CFAP91: variants seen among roughly 807,000 people sequenced by gnomAD.
CFAP91 encodes cilia- and flagella-associated protein 91.
In CFAP91, 85 loss-of-function variants were observed where a neutral mutation model predicts 95.9. The observed-to-expected ratio is 0.89, with a 90% CI of 0.74 to 1.06. The LOEUF (loss-of-function observed/expected upper bound fraction) is 1.06, where lower values mean the gene tolerates loss of function less well. CFAP91 is among the 50% of genes least tolerant of loss of function. The pLI is 0.00. For missense variants in CFAP91, 962 were observed against 943.4 expected (o/e 1.02, Z -0.26); for synonymous variants, 335 against 327.5 (o/e 1.02, Z -0.25).
chr3:119,740,405 G>A, intron 12 of CFAP91, 144 bp from the exon 13 acceptor site: 1 of 867,346 alleles, frequency 1.2e-6, no homozygotes, highest in South Asian at 1.8e-5. Context: ...CTAGCTCTGT[G>A]GGACACATCT....
At chr3:119,763,906 A>G (rs191115359) in intron 17 of CFAP91, among the ~76,000 whole-genome samples, 1 of 152,220 alleles carries the variant, frequency 6.6e-6, no homozygotes, top group East Asian at 1.9e-4. Flanking sequence ...CAAGGGATGC[A>G]TTGTAAAACC....
chr3:119,754,423 A>G (rs578139062), intron 17 of CFAP91, among the ~76,000 whole-genome samples: 2 of 152,358 alleles, frequency 1.3e-5, no homozygotes, highest in East Asian at 3.9e-4. Context: ...GAAGATTTGG[A>G]AAATTCTTAG....
chr3:119,750,000 A>T (rs2054297197), intron 16 of CFAP91, among the ~76,000 whole-genome samples: 1 of 152,206 alleles, frequency 6.6e-6, no homozygotes, highest in Non-Finnish European at 1.5e-5. Flanking sequence ...CACTTAATGG[A>T]AATTAGCTCT....
In CFAP91 at chr3:119,733,403, C is replaced by T. The variant is rs1422280027; in HGVS notation, c.1241C>T (p.Thr414Ile). ...GAGTCATGTCTCCCAGATTTTGTGA[C>T]ACAACCCCAAATCAGAGCTCCAAAA... Reference protein sequence around the residue: ...ELESCLPDFVTQPQIRAPKPK... With the variant: ...ELESCLPDFVIQPQIRAPKPK... The change falls in exon 10 of 18, where the codon ACA (threonine) becomes ATA (isoleucine). Residue 414 changes from threonine to isoleucine, a missense_variant. Coordinates refer to ENST00000273390, the MANE Select transcript of CFAP91 (RefSeq NM_033364.4). The T allele has an allele frequency of 6.2e-7, 1 of 1,614,070 alleles. No individual in the cohort carries two copies. The highest frequency in any genetic ancestry group is 1.1e-5 in the South Asian group (1 of 91,070).
intron 12 of CFAP91, among the ~76,000 whole-genome samples, chr3:119,739,569 G>T (rs977656783): frequency 6.6e-6 from 1 of 151,024 alleles, no homozygotes; most frequent in Non-Finnish European, 1.5e-5. Context: ...ATTTGCCATG[G>T]TTGTAACTAA....
At chr3:119,720,405 AAAAAG>A (rs763031692) in intron 6 of CFAP91, among the ~76,000 whole-genome samples, 3,122 of 147,454 alleles carry the variant, frequency 0.021, 82 homozygotes, top group African/African-American at 0.06. Context: ...TCAAAAAAAA[AAAAAG>A]AAAAGAAAAC....
chr3:119,754,937 A>T (rs2054396970), intron 17 of CFAP91, among the ~76,000 whole-genome samples: 1 of 152,188 alleles, frequency 6.6e-6, no homozygotes, highest in East Asian at 1.9e-4. Flanking sequence ...AAGAATTAAG[A>T]TCCAGTGGAA....
chr3:119,703,794 C>T (rs923816963), intron 1 of CFAP91, among the ~76,000 whole-genome samples: 2 of 152,124 alleles, frequency 1.3e-5, no homozygotes, highest in African/African-American at 4.8e-5. Context: ...TCTCTCTCCA[C>T]GCTCCTTGAG....
rs2054631883 is a variant in CFAP91, at chr3:119,766,569, G to C, written c.*1519G>C. ...CAAGTGAGTTAGGTTGGGCTGATGG[G>C]ATAGAAGGTGGGAGGGGAATGCTAT... On this transcript the variant is annotated 3_prime_UTR_variant, in exon 18 of 18. Transcript: ENST00000273390. The C allele has an allele frequency of 6.6e-6, 1 of 151,998 alleles. No individual in the cohort carries two copies. The highest frequency in any genetic ancestry group is 2.4e-5 in the African/African-American group (1 of 41,368). 9.4% of individuals were successfully genotyped at this position (151,998 alleles called of 1,614,324 possible). A position where few individuals can be genotyped will look rare whatever the true frequency, so the allele number is the denominator to read the frequency against.
intron 14 of CFAP91, among the ~76,000 whole-genome samples, chr3:119,745,277 T>A (rs981343720): frequency 1.3e-5 from 2 of 152,210 alleles, no homozygotes; most frequent in East Asian, 3.8e-4. Context: ...AAGAGAAATA[T>A]GCTTGCACAT....
chr3:119,739,235 T>C lies in CFAP91; in HGVS notation c.1462-20T>C. 1 of 1,610,274 alleles carries C rather than the reference T, an allele frequency of 6.2e-7. No individual in the cohort carries two copies. The highest frequency in any genetic ancestry group is 8.5e-7 in the Non-Finnish European group (1 of 1,176,482). On this transcript the variant is annotated intron_variant, in intron 11 of 17. Transcript: ENST00000273390. ...CTACTGCAGTTCTCAAGCTGCTTGG[T>C]TCTCCCTTTGTTCTTTTAGGAAGAA...
chr3:119,722,937 A>G (rs1302992643), intron 6 of CFAP91, among the ~76,000 whole-genome samples: 1 of 152,236 alleles, frequency 6.6e-6, no homozygotes, highest in East Asian at 1.9e-4. Context: ...GAAAATATTT[A>G]TCAATGGGAA....
intron 6 of CFAP91, 122 bp from the exon 7 acceptor site, chr3:119,726,049 G>A (rs989566119): frequency 1.3e-4 from 96 of 748,800 alleles, no homozygotes; most frequent in Non-Finnish European, 1.9e-4. Context: ...CTAATGTCAT[G>A]TTATGCTGTC....
Position 119,730,272 on chromosome 3 carries a change from G to A in CFAP91, c.913G>A (p.Glu305Lys). The A allele has an allele frequency of 4.3e-6, 7 of 1,614,154 alleles. No homozygotes were observed. Among genetic ancestry groups the A allele is most frequent in the Non-Finnish European group, 5.1e-6 (6 of 1,180,018 alleles). Residue 305 changes from glutamate to lysine, a missense_variant, in exon 8 of 18, where the codon GAG becomes AAG. Physicochemically the swap from Glu to Lys is moderately conservative, Grantham distance 56 (BLOSUM62 1). Coordinates refer to ENST00000273390, the MANE Select transcript of CFAP91 (RefSeq NM_033364.4). Reference sequence around the variant, plus strand: ...AAAAGAGCTGTTGAGGAAGCGTGAAGAGAATCAGAATGAAGTGAATATGAA... The same window carrying A: ...AAAAGAGCTGTTGAGGAAGCGTGAAAAGAATCAGAATGAAGTGAATATGAA... Reference protein sequence around the residue: ...VLKELLRKREENQNEVNMKHL... With the variant: ...VLKELLRKREKNQNEVNMKHL...
At chr3:119,721,701 T>C (rs1375241856) in intron 6 of CFAP91, among the ~76,000 whole-genome samples, 1 of 152,156 alleles carries the variant, frequency 6.6e-6, no homozygotes, top group Non-Finnish European at 1.5e-5. Flanking sequence ...TGAGGAACAC[T>C]GAGTCAGTGC....
rs2053375232 is a variant in CFAP91, at chr3:119,706,873, T to G, written c.189T>G (p.Ile63Met). The G allele has an allele frequency of 6.2e-7, 1 of 1,612,638 alleles. No homozygotes were observed. The highest frequency in any genetic ancestry group is 1.3e-5 in the African/African-American group (1 of 74,592). Residue 63 changes from isoleucine to methionine, a missense_variant, in exon 2 of 18, where the codon ATT becomes ATG. By Grantham distance (10) the Ile-to-Met change is conservative. Coordinates refer to ENST00000273390, the MANE Select transcript of CFAP91 (RefSeq NM_033364.4). ...HTQANIQATL[I>M]RSRLRKVPRF... ...AGGCAAATATCCAAGCTACCCTGAT[T>G]CGCAGCAGACTGGTATGTCTAATTC...
At chr3:119,751,709 T>C (rs532745812) in intron 17 of CFAP91, among the ~76,000 whole-genome samples, 1 of 152,356 alleles carries the variant, frequency 6.6e-6, no homozygotes, top group East Asian at 1.9e-4. Flanking sequence ...CATAGCTGTT[T>C]TCTTTAGTCC....
chr3:119,715,529 G>A (rs2053557386), intron 5 of CFAP91, 33 bp from the exon 6 acceptor site: 1 of 1,566,316 alleles, frequency 6.4e-7, no homozygotes, highest in African/African-American at 1.3e-5. Context: ...ACCATAACAG[G>A]TTTCAATTTT....
At chr3:119,719,919 A>G (rs1043952280) in intron 6 of CFAP91, among the ~76,000 whole-genome samples, 2 of 150,876 alleles carry the variant, frequency 1.3e-5, no homozygotes, top group Non-Finnish European at 3.0e-5. Flanking sequence ...CCTGGCCAAC[A>G]TGGTGAAACC....
Sources: gnomAD v4.1 joint callset for allele counts (sites outside exome capture counted in the v4.1 genomes callset) on GRCh38, gnomAD v4.1.1 for gene constraint, MANE v1.5 for transcripts, NCBI Gene and HGNC (gene_info 2026-07-23, HGNC 2026-07-21) for gene names.